DLG2: variants seen among roughly 807,000 people sequenced by gnomAD.
The protein encoded by DLG2 is discs large MAGUK scaffold protein 2, also known as disks large homolog 2.
In DLG2, 45 loss-of-function variants were observed where a neutral mutation model predicts 132.5. The ratio of observed to expected loss-of-function variants is 0.34; its 90% CI spans 0.27 to 0.44. The LOEUF (loss-of-function observed/expected upper bound fraction) is 0.44. Ranked by LOEUF, DLG2 falls within the 20% of genes least tolerant of loss-of-function variation. The pLI, the probability that DLG2 is intolerant of heterozygous loss-of-function variation, is 1.00. For missense variants in DLG2, 1,045 were observed against 1,196.9 expected (o/e 0.87, Z 1.87); for synonymous variants, 424 against 419.6 (o/e 1.01, Z -0.13).
At chr11:84,764,797 T>C (rs1443788606) in intron 6 of DLG2, among the ~76,000 whole-genome samples, 1 of 152,114 alleles carries the variant, frequency 6.6e-6, no homozygotes, top group African/African-American at 2.4e-5. Context: ...TTTGGCATTC[T>C]GGGAGTAACG....
At chr11:84,825,758 G>C (rs560699462) in intron 6 of DLG2, among the ~76,000 whole-genome samples, 1 of 151,998 alleles carries the variant, frequency 6.6e-6, no homozygotes, top group South Asian at 2.1e-4. Flanking sequence ...GGTTCATATA[G>C]CATTTCAATT....
chr11:84,789,627 C>T (rs1368387282), intron 6 of DLG2, among the ~76,000 whole-genome samples: 1 of 152,146 alleles, frequency 6.6e-6, no homozygotes, highest in East Asian at 1.9e-4. Context: ...AGTCACCTTG[C>T]TGTGCTATCA....
intron 4 of DLG2, among the ~76,000 whole-genome samples, chr11:85,208,827 T>A (rs1461723052): frequency 6.6e-6 from 1 of 152,012 alleles, no homozygotes; most frequent in Non-Finnish European, 1.5e-5. Context: ...GAGTTTATAA[T>A]CTAAATGGGC....
chr11:84,502,091 CCTTT>C (rs1393766294), intron 7 of DLG2, among the ~76,000 whole-genome samples: 10 of 149,928 alleles, frequency 6.7e-5, no homozygotes, highest in East Asian at 2.0e-4. Flanking sequence ...TTCCTTCCTT[CCTTT>C]CTTTCTCACT....
At chr11:84,644,159 G>C (rs1377244944) in intron 6 of DLG2, among the ~76,000 whole-genome samples, 1 of 152,002 alleles carries the variant, frequency 6.6e-6, no homozygotes, top group Non-Finnish European at 1.5e-5. Context: ...GAGTTTTCCC[G>C]GGGGCTGAGA....
chr11:85,596,312 C>T (rs1001663098), intron 3 of DLG2, among the ~76,000 whole-genome samples: 2 of 152,110 alleles, frequency 1.3e-5, no homozygotes, highest in Non-Finnish European at 2.9e-5. Context: ...CTGCTTGAAC[C>T]GGGAGGCAGA....
chr11:84,713,229 G>A (rs551526321), intron 6 of DLG2, among the ~76,000 whole-genome samples: 1 of 152,108 alleles, frequency 6.6e-6, no homozygotes, highest in South Asian at 2.1e-4. Context: ...AACCTGCTTA[G>A]GTTCAAATTT....
At chr11:85,458,107 T>A (rs1233861813) in intron 3 of DLG2, among the ~76,000 whole-genome samples, 3 of 152,232 alleles carry the variant, frequency 2.0e-5, no homozygotes, top group Non-Finnish European at 4.4e-5. Flanking sequence ...CATAATCCCA[T>A]ATTTCTTGGA....
At chr11:85,240,126 C>T (rs1229959146) in intron 4 of DLG2, among the ~76,000 whole-genome samples, 1 of 151,828 alleles carries the variant, frequency 6.6e-6, no homozygotes, top group African/African-American at 2.4e-5. Flanking sequence ...TCTTAATTTG[C>T]TTTTGCCTGA....
At chr11:83,847,352 T>C (rs2154025440) in intron 16 of DLG2, among the ~76,000 whole-genome samples, 1 of 152,324 alleles carries the variant, frequency 6.6e-6, no homozygotes, top group Admixed American at 6.5e-5. Flanking sequence ...GTACACTTTA[T>C]GAAAGATTTT....
intron 19 of DLG2, among the ~76,000 whole-genome samples, chr11:83,555,230 T>C (rs2142311160): frequency 6.6e-6 from 1 of 152,344 alleles, no homozygotes; most frequent in South Asian, 2.1e-4. Flanking sequence ...TAGTCTAAGA[T>C]GAGACCAGAG....
chr11:84,677,105 A>T (rs924065815), intron 6 of DLG2, among the ~76,000 whole-genome samples: 1 of 152,068 alleles, frequency 6.6e-6, no homozygotes, highest in African/African-American at 2.4e-5. Context: ...TTGACAATAC[A>T]AAGAAGAAAA....
At chr11:84,194,772 C>T (rs1405107115) in intron 8 of DLG2, among the ~76,000 whole-genome samples, 4 of 152,212 alleles carry the variant, frequency 2.6e-5, no homozygotes, top group Non-Finnish European at 5.9e-5. Context: ...ACGCTGGGGC[C>T]GCAGGCAGAG....
At chr11:84,616,977 CCCTTT>C (rs1565465575) in intron 6 of DLG2, among the ~76,000 whole-genome samples, 2 of 149,604 alleles carry the variant, frequency 1.3e-5, no homozygotes, top group Non-Finnish European at 3.0e-5. Context: ...CTCCTCTCTT[CCCTTT>C]CTTTTTTTTT....
chr11:85,156,332 TCTTA>T (rs780813112), intron 4 of DLG2, among the ~76,000 whole-genome samples: 1 of 152,228 alleles, frequency 6.6e-6, no homozygotes, highest in Non-Finnish European at 1.5e-5. Flanking sequence ...AAGCAGGATA[TCTTA>T]CTGTTTTTCA....
intron 18 of DLG2, among the ~76,000 whole-genome samples, chr11:83,644,523 C>T (rs1165708979): frequency 1.3e-5 from 2 of 152,020 alleles, no homozygotes; most frequent in African/African-American, 4.8e-5. Flanking sequence ...TGAAGATTAC[C>T]TTTTACTCCT....
At chr11:84,013,767 T>C (rs958381778) in intron 11 of DLG2, among the ~76,000 whole-genome samples, 4 of 147,426 alleles carry the variant, frequency 2.7e-5, no homozygotes, top group Non-Finnish European at 4.4e-5. Flanking sequence ...CTTGGGAGGC[T>C]GAGGCAGGAG....
intron 4 of DLG2, among the ~76,000 whole-genome samples, chr11:85,190,641 G>C (rs2080452784): frequency 6.6e-6 from 1 of 152,004 alleles, no homozygotes; most frequent in African/African-American, 2.4e-5. Flanking sequence ...AAAAAGAGAA[G>C]ATCCAAATAA....
intron 18 of DLG2, among the ~76,000 whole-genome samples, chr11:83,677,778 G>A (rs985151340): frequency 1.3e-5 from 2 of 152,124 alleles, no homozygotes; most frequent in African/African-American, 4.8e-5. Context: ...CCTTAGGAGG[G>A]TCTTTGTCTC....
Sources: allele counts gnomAD v4.1 joint callset (sites outside exome capture counted in the v4.1 genomes callset), GRCh38; gene constraint gnomAD v4.1.1; transcripts MANE v1.5; gene names NCBI Gene and HGNC (gene_info 2026-07-23, HGNC 2026-07-21).